KLHDC4: variants seen among roughly 807,000 people sequenced by gnomAD.
The protein encoded by KLHDC4 is kelch domain-containing protein 4.
KLHDC4 carries 90 observed loss-of-function variants against 62.4 expected under a neutral mutation model. The observed-to-expected ratio is 1.44, with a 90% CI of 1.22 to 1.72. The LOEUF is 1.72. Ranked by LOEUF, KLHDC4 falls within the 40% of genes most tolerant of loss-of-function variation. The probability of loss-of-function intolerance (pLI) is 0.00; values close to 1 mark genes in which losing one functional copy is unlikely to be tolerated. For missense variants in KLHDC4, 1,025 were observed against 699.7 expected (o/e 1.47, Z -5.25); for synonymous variants, 386 against 284.4 (o/e 1.36, Z -3.59).
chr16:87,729,252 G>C (rs2039912018), intron 6 of KLHDC4: 1 of 152,236 alleles, frequency 6.6e-6, no homozygotes, highest in Admixed American at 6.5e-5. Flanking sequence ...CACTCTGGGA[G>C]GCTGTACAGA....
At chr16:87,727,159 T>C (rs1391559504) in intron 6 of KLHDC4, among the ~76,000 whole-genome samples, 1 of 133,444 alleles carries the variant, frequency 7.5e-6, no homozygotes, top group African/African-American at 3.0e-5. Flanking sequence ...TGACGCAATC[T>C]ACCTGGAGAC....
At chr16:87,724,678 T>C (rs947510330) in intron 7 of KLHDC4, among the ~76,000 whole-genome samples, 7 of 152,158 alleles carry the variant, frequency 4.6e-5, no homozygotes, top group South Asian at 4.1e-4. Flanking sequence ...ACTGACGCCA[T>C]TGGGGCTGGT....
chr16:87,742,720 G>T (rs935472146), intron 5 of KLHDC4, among the ~76,000 whole-genome samples: 1 of 152,194 alleles, frequency 6.6e-6, no homozygotes, highest in Admixed American at 6.5e-5. Context: ...GGGTCTACGT[G>T]GAGTACGAAG....
chr16:87,733,483 A>AT (rs955127142), intron 5 of KLHDC4, among the ~76,000 whole-genome samples: 4 of 152,160 alleles, frequency 2.6e-5, no homozygotes, highest in African/African-American at 9.7e-5. Context: ...TGCTGGGACT[A>AT]CCCAGGGAAT....
intron 8 of KLHDC4, among the ~76,000 whole-genome samples, chr16:87,713,816 AATG>A (rs2036374839): frequency 6.6e-6 from 1 of 152,152 alleles, no homozygotes; most frequent in Non-Finnish European, 1.5e-5. Flanking sequence ...AGTCCCAGAG[AATG>A]ATGATTGTTC....
intron 1 of KLHDC4, among the ~76,000 whole-genome samples, chr16:87,762,797 G>A (rs1403628388): frequency 1.3e-5 from 2 of 151,960 alleles, no homozygotes; most frequent in African/African-American, 2.4e-5. Context: ...CAACATTTAC[G>A]AGACACTCCC....
intron 4 of KLHDC4, 81 bp downstream of exon 4, chr16:87,755,113 G>A (rs1015311176): frequency 2.1e-6 from 2 of 941,346 alleles, no homozygotes; most frequent in African/African-American, 3.3e-5. Context: ...CCAGCTGCCT[G>A]TCACCTATCA....
intron 5 of KLHDC4, among the ~76,000 whole-genome samples, chr16:87,735,620 A>G (rs552459540): frequency 1.5e-4 from 23 of 152,372 alleles, no homozygotes; most frequent in African/African-American, 5.5e-4. Context: ...TTTTCTATAA[A>G]AAGATTCCAC....
At chr16:87,708,319 C>A in intron 11 of KLHDC4, 31 bp downstream of exon 11, 4 of 1,415,922 alleles carry the variant, frequency 2.8e-6, no homozygotes, top group Non-Finnish European at 3.9e-6. Context: ...CACCCAGCAG[C>A]CGCGCCACCC....
chr16:87,730,455 G>A (rs1444323828), intron 6 of KLHDC4, 97 bp downstream of exon 6: 2 of 1,005,924 alleles, frequency 2.0e-6, no homozygotes, highest in African/African-American at 1.6e-5. Context: ...TTGGGAGGAT[G>A]GGTGCGTCTT....
intron 7 of KLHDC4, among the ~76,000 whole-genome samples, chr16:87,716,781 A>T (rs2037083821): frequency 6.6e-6 from 1 of 152,070 alleles, no homozygotes; most frequent in Non-Finnish European, 1.5e-5. Flanking sequence ...AATACAAAAA[A>T]ATTAGCCAGG....
intron 7 of KLHDC4, among the ~76,000 whole-genome samples, chr16:87,724,696 G>C (rs561722774): frequency 3.9e-5 from 6 of 152,156 alleles, no homozygotes; most frequent in East Asian, 1.9e-4. Context: ...GGTATGAACA[G>C]GGGGCAACTG....
chr16:87,701,314 G>A (rs1018766233), exon 1 of KLHDC4: 1 of 251,716 alleles, frequency 4.0e-6, no homozygotes, highest in Non-Finnish European at 8.0e-6. Context: ...TTAGCAAGAG[G>A]GTAGCAGGGC....
At chr16:87,764,436 G>C (rs1454440179) in intron 1 of KLHDC4, among the ~76,000 whole-genome samples, 1 of 151,938 alleles carries the variant, frequency 6.6e-6, no homozygotes, top group Non-Finnish European at 1.5e-5. Context: ...CATCACCTGA[G>C]GTCAGGAGTC....
At chr16:87,706,563 G>A (rs190112026), downstream of KLHDC4, among the ~76,000 whole-genome samples, 2 of 152,218 alleles carry the variant, frequency 1.3e-5, no homozygotes, top group Non-Finnish European at 2.9e-5. Context: ...CACCAGGGAA[G>A]AGGCAGTGCC....
intron 3 of KLHDC4, chr16:87,756,002 T>C (rs2044826211): frequency 5.8e-6 from 1 of 173,844 alleles, no homozygotes; most frequent in African/African-American, 2.3e-5. Context: ...ACACAGGTCT[T>C]ACTGGCCTGC....
At chr16:87,758,800 A>T (rs532695874) in intron 2 of KLHDC4, among the ~76,000 whole-genome samples, 1 of 152,356 alleles carries the variant, frequency 6.6e-6, no homozygotes, top group Admixed American at 6.5e-5. Flanking sequence ...GGGTGATAAA[A>T]CAATGTTGCA....
At chr16:87,752,439 C>A (rs535195262) in intron 4 of KLHDC4, among the ~76,000 whole-genome samples, 1 of 151,086 alleles carries the variant, frequency 6.6e-6, no homozygotes, top group African/African-American at 2.4e-5. Flanking sequence ...CTGGTTCAAG[C>A]GATTCTCCTG....
rs2043439615 is a variant in KLHDC4, at chr16:87,748,819, G to C, written c.370-10C>G. On this transcript the variant is annotated splice_polypyrimidine_tract_variant and intron_variant, in intron 4 of 11. Coordinates refer to ENST00000270583, the MANE Select transcript of KLHDC4 (RefSeq NM_017566.4). ...GAGGCACTACCACCGCCTGTGAAAAGAAAGGTGACAGGTCAGGGCACAGCC... is the reference window on the plus strand; with the variant it reads ...GAGGCACTACCACCGCCTGTGAAAACAAAGGTGACAGGTCAGGGCACAGCC... 3.7e-6 allele frequency: 6 copies of C among 1,611,758 alleles called. No homozygotes were observed. The highest frequency in any genetic ancestry group is 3.4e-5 in the Admixed American group (2 of 59,660).
Sources: gnomAD v4.1 joint callset for allele counts (sites outside exome capture counted in the v4.1 genomes callset) on GRCh38, gnomAD v4.1.1 for gene constraint, MANE v1.5 for transcripts, NCBI Gene and HGNC (gene_info 2026-07-23, HGNC 2026-07-21) for gene names.